CABP1: variants seen among roughly 807,000 people sequenced by gnomAD.
CABP1 encodes calcium binding protein 1.
A neutral mutation model predicts 34.3 loss-of-function variants in CABP1; 17 were observed. That is an observed-to-expected ratio of 0.50 (90% CI 0.34 to 0.74). The LOEUF (loss-of-function observed/expected upper bound fraction) is 0.74. Ranked by LOEUF, CABP1 falls within the 30% of genes least tolerant of loss-of-function variation. CABP1 has a pLI of 0.01. For missense variants in CABP1, 373 were observed against 511.1 expected (o/e 0.73, Z 2.61); for synonymous variants, 198 against 229.2 (o/e 0.86, Z 1.23).
At chr12:120,655,938 A>G in intron 1 of CABP1, 1 of 1,538,574 alleles carries the variant, frequency 6.5e-7, no homozygotes, top group East Asian at 2.4e-5. Context: ...CTGTTGGACC[A>G]ATTTGATGCC....
At chr12:120,668,753 G>A (rs1463390613), downstream of CABP1, among the ~76,000 whole-genome samples, 4 of 152,232 alleles carry the variant, frequency 2.6e-5, no homozygotes, top group African/African-American at 9.7e-5. Context: ...AAGTCTTAAA[G>A]CAGCCCAAAG....
the CABP1 span, among the ~76,000 whole-genome samples, chr12:120,678,477 C>T: frequency 1.6e-4 from 24 of 152,162 alleles, no homozygotes; most frequent in Non-Finnish European, 2.4e-4. Context: ...AGATTGCCAG[C>T]GGTACCTGTT....
intron 1 of CABP1, chr12:120,656,040 G>A (rs1303120769): frequency 6.2e-7 from 1 of 1,611,970 alleles, no homozygotes. Context: ...GCCAGGCTGG[G>A]CAGGGAGGTG....
Position 120,640,889 on chromosome 12 carries a change from G to C in CABP1, c.204G>C (p.Lys68Asn). The change falls in exon 1 of 6, where the codon AAG becomes AAC. Residue 68 changes from lysine (K) to asparagine (N), a missense_variant. By Grantham distance (94) the Lys-to-Asn change is moderately conservative. This residue lies in a region of CABP1 where 134 missense variants were observed against 145.4 expected (regional missense o/e 0.92). Transcript: ENST00000316803. The surrounding 1 kb of genome is among the most constrained non-coding windows in gnomAD (Gnocchi z 6.2). ...MSSHIAKSES[K>N]TSLLKAAAAA... ...CGCACATCGCCAAAAGCGAGTCCAA[G>C]ACGTCGCTGCTGAAGGCGGCGGCGG... 1.8e-6 allele frequency: 2 copies of C among 1,092,082 alleles called. No individual in the cohort carries two copies. Among genetic ancestry groups the C allele is most frequent in the Non-Finnish European group, 2.2e-6 (2 of 899,780 alleles). The allele number at this position is 1,092,082 out of a possible 1,614,324, so 67.6% of individuals were successfully genotyped here.
chr12:120,649,224 C>T (rs893224988), intron 1 of CABP1, among the ~76,000 whole-genome samples: 15 of 152,288 alleles, frequency 9.8e-5, no homozygotes, highest in African/African-American at 2.6e-4. Context: ...CTGGGCAGCG[C>T]CCCCACCCAT....
chr12:120,641,454 T>G lies in CABP1; in HGVS notation c.654+115T>G, dbSNP rs1879318490. On this transcript the variant is annotated intron_variant, in intron 1 of 5. Coordinates refer to ENST00000316803, the MANE Select transcript of CABP1 (RefSeq NM_001033677.2). This position sits in a 1 kb window ranked among gnomAD's most constrained non-coding sequence, Gnocchi z 6.7. ...CCCGTGGTCCCCCACGGATCACGCC[T>G]CGGCTCACCTCGTCCTCCCCGGGCC... 9.0e-7 allele frequency: 1 copy of G among 1,106,674 alleles called. No homozygotes were observed. The highest frequency in any genetic ancestry group is 1.1e-6 in the Non-Finnish European group (1 of 874,384). 68.6% of individuals were successfully genotyped at this position (1,106,674 alleles called of 1,614,324 possible).
At chr12:120,663,839 G>A (rs1024605404) in intron 5 of CABP1, among the ~76,000 whole-genome samples, 1 of 152,208 alleles carries the variant, frequency 6.6e-6, no homozygotes, top group Non-Finnish European at 1.5e-5. Flanking sequence ...ACAGCAGAAT[G>A]CAGTCTTGTG....
chr12:120,656,738 T>C (rs1035786295), intron 1 of CABP1, among the ~76,000 whole-genome samples: 8 of 151,970 alleles, frequency 5.3e-5, no homozygotes, highest in Admixed American at 1.3e-4. Context: ...TCTACTAAAA[T>C]ACAAAAATTA....
intron 1 of CABP1, among the ~76,000 whole-genome samples, chr12:120,651,586 T>G (rs970881029): frequency 1.3e-5 from 2 of 152,184 alleles, no homozygotes; most frequent in African/African-American, 4.8e-5. Context: ...GACAAGGAAC[T>G]TGATTGACAT....
chr12:120,651,242 G>A (rs1272412341), intron 1 of CABP1, among the ~76,000 whole-genome samples: 1 of 152,136 alleles, frequency 6.6e-6, no homozygotes, highest in Non-Finnish European at 1.5e-5. Flanking sequence ...AATAGGACCC[G>A]AGTGGTTTTA....
At chr12:120,649,361 A>G (rs139189392) in intron 1 of CABP1, among the ~76,000 whole-genome samples, 3 of 152,262 alleles carry the variant, frequency 2.0e-5, no homozygotes, top group Non-Finnish European at 2.9e-5. Flanking sequence ...CTTCCAGTCT[A>G]TCTCTGGTGC....
In CABP1 at chr12:120,641,507, C is replaced by T. The variant is rs1321515018; in HGVS notation, c.654+168C>T. 2 of 670,738 alleles carry T rather than the reference C, an allele frequency of 3.0e-6. No homozygotes were observed. Among genetic ancestry groups the T allele is most frequent in the South Asian group, 7.6e-5 (1 of 13,118 alleles). 41.5% of individuals were successfully genotyped at this position (670,738 alleles called of 1,614,324 possible). ...CGCCCTTGCCGGCACTCCTCCTCCC[C>T]GTGCCTGATTCAGCACCCCGTGCGC... is the stretch of plus-strand genomic sequence containing the variant. On this transcript the variant is annotated intron_variant, in intron 1 of 5. Transcript: ENST00000316803. The surrounding 1 kb of genome is among the most constrained non-coding windows in gnomAD (Gnocchi z 6.7).
chr12:120,672,984 C>T, the CABP1 span, among the ~76,000 whole-genome samples: 1 of 152,072 alleles, frequency 6.6e-6, no homozygotes, highest in East Asian at 1.9e-4. Flanking sequence ...GATCCGAGAT[C>T]GTGCCACTGC....
At chr12:120,645,921 C>T (rs1436666043) in intron 1 of CABP1, among the ~76,000 whole-genome samples, 1 of 152,156 alleles carries the variant, frequency 6.6e-6, no homozygotes, top group Non-Finnish European at 1.5e-5. Context: ...TGTAGTGGTT[C>T]ACATCTGTAA....
Position 120,640,672 on chromosome 12 carries a change from G to A in CABP1, c.-14G>A, listed in dbSNP as rs1250732640. On this transcript the variant is annotated 5_prime_UTR_variant, in exon 1 of 6. Coordinates refer to ENST00000316803, the MANE Select transcript of CABP1 (RefSeq NM_001033677.2). The surrounding 1 kb of genome is among the most constrained non-coding windows in gnomAD (Gnocchi z 6.2). Reference sequence around the variant, plus strand: ...GGGAGCTCCGGGCTCCGGGCGTAGAGGCTGCGCTGTCACATGGGCGGCGGC... The same window carrying A: ...GGGAGCTCCGGGCTCCGGGCGTAGAAGCTGCGCTGTCACATGGGCGGCGGC... 3 of 1,180,794 alleles carry A rather than the reference G, an allele frequency of 2.5e-6. No individual in the cohort carries two copies. Among genetic ancestry groups the A allele is most frequent in the Non-Finnish European group, 3.1e-6 (3 of 954,980 alleles). 73.1% of individuals were successfully genotyped at this position (1,180,794 alleles called of 1,614,324 possible).
the CABP1 span, among the ~76,000 whole-genome samples, chr12:120,677,892 C>T: frequency 2.2e-4 from 34 of 152,212 alleles, no homozygotes; most frequent in Admixed American, 1.2e-3. Context: ...CTGGCTTCTT[C>T]GCTGTGACTC....
downstream of CABP1, among the ~76,000 whole-genome samples, chr12:120,668,384 G>A (rs61945942): frequency 8.1e-4 from 123 of 152,302 alleles, 1 homozygote; most frequent in Non-Finnish European, 8.5e-4. Flanking sequence ...CCAGCTTCAG[G>A]AGAATCGCTT....
At chr12:120,672,440 C>T in the CABP1 span, among the ~76,000 whole-genome samples, 2 of 151,846 alleles carry the variant, frequency 1.3e-5, no homozygotes, top group Non-Finnish European at 2.9e-5. Flanking sequence ...CGGGACCAGC[C>T]TGACCAACAT....
Position 120,659,666 on chromosome 12 carries a change from G to A in CABP1, c.655-212G>A, listed in dbSNP as rs963335290. The A allele has an allele frequency of 5.5e-5, 28 of 507,796 alleles. 1 individual carries two copies. The highest frequency in any genetic ancestry group is 8.7e-5 in the Non-Finnish European group (25 of 286,632). 31.5% of individuals were successfully genotyped at this position (507,796 alleles called of 1,614,324 possible). ...AGGCTGGTGGGGCTGGTGGCTTCTT[G>A]GGCATCTCCTGTTAGGGGCCCAGGA... On this transcript the variant is annotated intron_variant, in intron 1 of 5. Transcript: ENST00000316803.
Sources: gnomAD v4.1 joint callset for allele counts (sites outside exome capture counted in the v4.1 genomes callset) on GRCh38, gnomAD v4.1.1 for gene constraint, gnomAD v4.1.1 regional missense constraint, Gnocchi (gnomAD v3.1) non-coding constraint, MANE v1.5 for transcripts, NCBI Gene and HGNC (gene_info 2026-07-23, HGNC 2026-07-21) for gene names.